PDE7B: variants seen among roughly 807,000 people sequenced by gnomAD.
PDE7B encodes the protein phosphodiesterase 7B.
Under a neutral mutation model 56.2 loss-of-function variants are expected in PDE7B, and 29 were observed. The ratio of observed to expected loss-of-function variants is 0.52; its 90% CI spans 0.38 to 0.70. PDE7B has a LOEUF of 0.70. Among genes scored for constraint, PDE7B ranks in the 30% least tolerant of loss-of-function variants. The pLI is 0.00. For missense variants in PDE7B, 490 were observed against 565.0 expected, an observed-to-expected ratio of 0.87 and a Z score of 1.35; for synonymous variants, 197 against 196.9, an observed-to-expected ratio of 1.00 and a Z score of 0.00.
intron 9 of PDE7B, among the ~76,000 whole-genome samples, chr6:136,174,833 A>G (rs1225178230): frequency 1.3e-5 from 2 of 152,212 alleles, no homozygotes; most frequent in Admixed American, 1.3e-4. Flanking sequence ...CTGGAACTAA[A>G]TAAAACCAGT....
chr6:136,025,821 T>A (rs1160822970), intron 2 of PDE7B, among the ~76,000 whole-genome samples: 1 of 152,232 alleles, frequency 6.6e-6, no homozygotes, highest in Non-Finnish European at 1.5e-5. Flanking sequence ...CTTGAATATC[T>A]GTTGTCCATG....
intron 3 of PDE7B, among the ~76,000 whole-genome samples, chr6:136,117,657 A>G (rs959570143): frequency 1.2e-4 from 19 of 152,188 alleles, no homozygotes; most frequent in Non-Finnish European, 2.4e-4. Flanking sequence ...TATATCTAAC[A>G]ACAGCCACCA....
chr6:135,894,285 T>C (rs1366969806), intron 1 of PDE7B, among the ~76,000 whole-genome samples: 1 of 152,178 alleles, frequency 6.6e-6, no homozygotes, highest in African/African-American at 2.4e-5. Flanking sequence ...TTATTTTTCT[T>C]TTAATTGACA....
chr6:135,887,650 G>T (rs1775733584), intron 1 of PDE7B, among the ~76,000 whole-genome samples: 1 of 152,044 alleles, frequency 6.6e-6, no homozygotes, highest in South Asian at 2.1e-4. Flanking sequence ...TATTTACAGA[G>T]AATATATTAA....
intron 2 of PDE7B, chr6:136,034,721 G>A (rs1003105042): frequency 6.7e-5 from 11 of 163,046 alleles, no homozygotes; most frequent in South Asian, 3.7e-4. Context: ...AGTCCCTTCC[G>A]TGCAGCCATC....
At chr6:135,945,844 G>A (rs1489491065) in intron 1 of PDE7B, among the ~76,000 whole-genome samples, 1 of 152,164 alleles carries the variant, frequency 6.6e-6, no homozygotes, top group African/African-American at 2.4e-5. Context: ...AGGAAGACAG[G>A]TGCAGAGATG....
intron 2 of PDE7B, among the ~76,000 whole-genome samples, chr6:136,019,510 A>G (rs1776034490): frequency 6.6e-6 from 1 of 152,118 alleles, no homozygotes; most frequent in Non-Finnish European, 1.5e-5. Flanking sequence ...GCTTTTTGTC[A>G]TTTTGTCCCC....
At chr6:136,063,872 C>G (rs1776887561) in intron 2 of PDE7B, among the ~76,000 whole-genome samples, 1 of 152,204 alleles carries the variant, frequency 6.6e-6, no homozygotes, top group African/African-American at 2.4e-5. Flanking sequence ...CCCATAGCAC[C>G]TTCTAGCTTA....
At chr6:136,044,475 G>C (rs1776467318) in intron 2 of PDE7B, 1 of 152,088 alleles carries the variant, frequency 6.6e-6, no homozygotes, top group Admixed American at 6.6e-5. Flanking sequence ...TCTAGCTCTT[G>C]TTTTTAATGG....
At chr6:136,018,266 G>C (rs577258732) in intron 2 of PDE7B, among the ~76,000 whole-genome samples, 9 of 152,246 alleles carry the variant, frequency 5.9e-5, no homozygotes. Flanking sequence ...GAGAGATACA[G>C]CCCTATCCCC....
chr6:136,024,885 G>A (rs932997260), intron 2 of PDE7B, among the ~76,000 whole-genome samples: 1 of 152,292 alleles, frequency 6.6e-6, no homozygotes, highest in South Asian at 2.1e-4. Flanking sequence ...AGATAAGAAA[G>A]TTGCAACAAC....
At chr6:136,083,445 G>C (rs1777237789) in intron 2 of PDE7B, among the ~76,000 whole-genome samples, 1 of 152,168 alleles carries the variant, frequency 6.6e-6, no homozygotes, top group African/African-American at 2.4e-5. Flanking sequence ...ATTTTAGAGG[G>C]TGAATTGGGG....
chr6:136,009,134 C>A (rs1775842146), intron 2 of PDE7B, among the ~76,000 whole-genome samples: 1 of 152,040 alleles, frequency 6.6e-6, no homozygotes, highest in African/African-American at 2.4e-5. Flanking sequence ...TGTCAAAGAT[C>A]AGATGGTTGT....
At chr6:135,872,261 A>G (rs1301356381) in intron 1 of PDE7B, among the ~76,000 whole-genome samples, 1 of 152,194 alleles carries the variant, frequency 6.6e-6, no homozygotes, top group African/African-American at 2.4e-5. Flanking sequence ...ACTCTTATTT[A>G]TTCTCACAGC....
In PDE7B at chr6:136,032,915, G is replaced by T. The variant is rs546121019; in HGVS notation, c.83-75816G>T. On this transcript the variant is annotated intron_variant, in intron 2 of 12. Coordinates refer to ENST00000308191, the MANE Select transcript of PDE7B (RefSeq NM_018945.4). ...GGCCCCAAATTTGGGGCAAAGCTCAGTGGTGAGTATAGATCAAAACCCAGT... is the reference window on the plus strand; with the variant it reads ...GGCCCCAAATTTGGGGCAAAGCTCATTGGTGAGTATAGATCAAAACCCAGT... 2.0e-5 allele frequency among the ~76,000 whole-genome samples: 3 copies of T among 152,338 alleles called. No individual in the cohort carries two copies. The East Asian group carries it at 5.8e-4, about 29-fold the overall frequency.
At chr6:135,993,748 C>A (rs1033946364) in intron 2 of PDE7B, among the ~76,000 whole-genome samples, 1 of 152,156 alleles carries the variant, frequency 6.6e-6, no homozygotes, top group Non-Finnish European at 1.5e-5. Context: ...CCTCAAAATT[C>A]GGGCAGATTA....
At chr6:135,922,475 G>A (rs1279042252) in intron 1 of PDE7B, among the ~76,000 whole-genome samples, 9 of 152,110 alleles carry the variant, frequency 5.9e-5, no homozygotes, top group Non-Finnish European at 1.0e-4. Context: ...AAACCAGTCT[G>A]GGTTTATTTA....
chr6:135,972,133 C>G (rs1233490244), intron 2 of PDE7B, among the ~76,000 whole-genome samples: 1 of 141,360 alleles, frequency 7.1e-6, no homozygotes, highest in Non-Finnish European at 1.5e-5. Flanking sequence ...GCTTGGGAGG[C>G]TGAGGCAGGA....
chr6:135,851,766 TACTC>T lies in PDE7B; in HGVS notation c.-230_-227del, dbSNP rs1774944566. Reference sequence around the variant, plus strand: ...CACTTGTCTGGGAGAAAAGTGGTGTTACTCACCCAGGGAGAGTCTCTCTTTCTAC... The same window carrying T: ...CACTTGTCTGGGAGAAAAGTGGTGTTACCCAGGGAGAGTCTCTCTTTCTAC... On this transcript the variant is annotated 5_prime_UTR_variant, in exon 1 of 13. Coordinates refer to ENST00000308191, the MANE Select transcript of PDE7B (RefSeq NM_018945.4). 3.9e-6 allele frequency: 2 copies of T among 508,468 alleles called. No individual in the cohort carries two copies. Among genetic ancestry groups the T allele is most frequent in the Non-Finnish European group, 7.0e-6 (2 of 286,994 alleles). The allele number at this position is 508,468 out of a possible 1,614,324, so 31.5% of individuals were successfully genotyped here. A position where few individuals can be genotyped will look rare whatever the true frequency, so the allele number is the denominator to read the frequency against.
Sources: gnomAD v4.1 joint callset for allele counts (sites outside exome capture counted in the v4.1 genomes callset) on GRCh38, gnomAD v4.1.1 for gene constraint, MANE v1.5 for transcripts, NCBI Gene and HGNC (gene_info 2026-07-23, HGNC 2026-07-21) for gene names.